The following GLDC variants were observed in gnomAD, a reference collection of about 807,000 sequenced individuals.
GLDC encodes glycine decarboxylase, also known as glycine dehydrogenase (decarboxylating), mitochondrial.
A neutral mutation model predicts 121.3 loss-of-function variants in GLDC; 104 were observed. The ratio of observed to expected loss-of-function variants is 0.86; its 90% CI spans 0.73 to 1.01. The LOEUF (loss-of-function observed/expected upper bound fraction) is 1.01. GLDC is among the 50% of genes least tolerant of loss of function. GLDC has a pLI of 0.00. For synonymous variants in GLDC, 546 were observed against 480.6 expected (o/e 1.14, Z -1.78); for missense variants, 1,429 against 1,306.6 (o/e 1.09, Z -1.44).
chr9:6,615,323 T>C (rs1302747413), intron 3 of GLDC, among the ~76,000 whole-genome samples: 1 of 151,966 alleles, frequency 6.6e-6, no homozygotes, highest in African/African-American at 2.4e-5. Flanking sequence ...CCAGGTGTGG[T>C]GGCTCACACC....
At chr9:6,587,381 C>T in intron 14 of GLDC, 98 bp from the exon 15 acceptor site, 1 of 925,912 alleles carries the variant, frequency 1.1e-6, no homozygotes, top group Non-Finnish European at 1.7e-6. Flanking sequence ...AAGCTATGTG[C>T]CAGGCACTGT....
At chr9:6,622,998 G>GTCA (rs1819146474) in intron 2 of GLDC, 1 of 171,618 alleles carries the variant, frequency 5.8e-6, no homozygotes, top group African/African-American at 3.0e-5. Flanking sequence ...GGAGGTGGGG[G>GTCA]GTCAGCCCCT....
chr9:6,550,744 C>A, intron 21 of GLDC, 59 bp downstream of exon 21: 1 of 1,065,196 alleles, frequency 9.4e-7, no homozygotes, highest in Non-Finnish European at 1.5e-6. Context: ...GCATCTAGGT[C>A]AAACTTAGTT....
intron 15 of GLDC, among the ~76,000 whole-genome samples, chr9:6,576,984 G>A (rs2129797379): frequency 6.6e-6 from 1 of 152,296 alleles, no homozygotes; most frequent in African/African-American, 2.4e-5. Flanking sequence ...TTTCCCTTGA[G>A]CTGATGAATT....
chr9:6,581,348 C>T (rs752733446), intron 15 of GLDC, among the ~76,000 whole-genome samples: 6 of 152,182 alleles, frequency 3.9e-5, no homozygotes, highest in Non-Finnish European at 7.3e-5. Context: ...CAACCTTTTC[C>T]AGCTTTCCTC....
intron 21 of GLDC, among the ~76,000 whole-genome samples, chr9:6,549,255 G>A (rs1817459140): frequency 6.6e-6 from 1 of 151,958 alleles, no homozygotes; most frequent in South Asian, 2.1e-4. Flanking sequence ...TTGACTGCCA[G>A]AGAAACAAAG....
intron 2 of GLDC, among the ~76,000 whole-genome samples, chr9:6,640,451 A>G (rs1463876780): frequency 6.6e-6 from 1 of 152,206 alleles, no homozygotes; most frequent in Non-Finnish European, 1.5e-5. Context: ...GAGAGTGCGC[A>G]ACCCAACTAG....
intron 22 of GLDC, among the ~76,000 whole-genome samples, chr9:6,536,455 C>T (rs1476671447): frequency 1.3e-5 from 2 of 152,124 alleles, no homozygotes; most frequent in South Asian, 4.1e-4. Flanking sequence ...GCAAATTTTA[C>T]AGAGCACCTA....
intron 23 of GLDC, among the ~76,000 whole-genome samples, chr9:6,535,023 T>A (rs1156309025): frequency 6.6e-6 from 1 of 152,224 alleles, no homozygotes; most frequent in Non-Finnish European, 1.5e-5. Flanking sequence ...CATTCTGTCA[T>A]ATTTGCTTCA....
intron 15 of GLDC, among the ~76,000 whole-genome samples, chr9:6,576,599 T>C (rs1199710373): frequency 6.6e-6 from 1 of 152,148 alleles, no homozygotes; most frequent in Non-Finnish European, 1.5e-5. Context: ...CCCGAGTAGC[T>C]GGGATTACAG....
intron 21 of GLDC, chr9:6,540,400 T>C: frequency 4.3e-6 from 2 of 470,520 alleles, no homozygotes; most frequent in Non-Finnish European, 7.8e-6. Flanking sequence ...AACCTGATTA[T>C]GGCTAATGGC....
chr9:6,641,373 C>A (rs1296262841), intron 2 of GLDC, among the ~76,000 whole-genome samples: 2 of 152,232 alleles, frequency 1.3e-5, no homozygotes, highest in African/African-American at 4.8e-5. Flanking sequence ...TGGCATATGG[C>A]AGGGTGATTC....
At chr9:6,643,371 C>T (rs568343401) in intron 2 of GLDC, among the ~76,000 whole-genome samples, 176 of 151,278 alleles carry the variant, frequency 1.2e-3, no homozygotes, top group Non-Finnish European at 1.9e-3. Context: ...CAGATAGGCT[C>T]CATACCTCAA....
In GLDC at chr9:6,533,081, C is replaced by G; in HGVS notation, c.2999G>C (p.Cys1000Ser). ...DDIYGDQHLV[C>S]TCPPMEVYES... ...ATAAACTTCCATGGGTGGGCAGGTA[C>G]AAACCAGGTGCTGATCTCCATATAT... The change falls in exon 25 of 25, where the codon TGT becomes TCT. Residue 1000 changes from cysteine (C) to serine (S), a missense_variant. Transcript: ENST00000321612. 1 of 1,611,834 alleles carries G rather than the reference C, an allele frequency of 6.2e-7. No homozygotes were observed. Among genetic ancestry groups the G allele is most frequent in the Non-Finnish European group, 8.5e-7 (1 of 1,177,902 alleles).
At chr9:6,627,188 C>G (rs1010316270) in intron 2 of GLDC, among the ~76,000 whole-genome samples, 1 of 147,416 alleles carries the variant, frequency 6.8e-6, no homozygotes. Flanking sequence ...CCCACCTACT[C>G]GGGAGGCTGA....
At chr9:6,565,777 C>T (rs141495924) in intron 15 of GLDC, 368 of 512,064 alleles carry the variant, frequency 7.2e-4, no homozygotes, top group African/African-American at 6.0e-3. Flanking sequence ...GGAACTACGA[C>T]GTGTGTGTCA....
chr9:6,586,584 C>T (rs1233908966), intron 15 of GLDC, among the ~76,000 whole-genome samples: 2 of 152,216 alleles, frequency 1.3e-5, no homozygotes, highest in African/African-American at 2.4e-5. Context: ...TGTTGGAATT[C>T]AGCATGTGTG....
chr9:6,560,799 T>C (rs989715048), intron 16 of GLDC, among the ~76,000 whole-genome samples: 16 of 152,200 alleles, frequency 1.1e-4, no homozygotes, highest in Admixed American at 9.8e-4. Context: ...CCTGTGGGTG[T>C]TTCCTTATAT....
chr9:6,644,387 G>A (rs1479989554), intron 2 of GLDC: 2 of 598,400 alleles, frequency 3.3e-6, no homozygotes, highest in African/African-American at 3.7e-5. Context: ...CTAGGATAAA[G>A]ACCAAGAACC....
Sources: gnomAD v4.1 joint callset for allele counts (sites outside exome capture counted in the v4.1 genomes callset) on GRCh38, gnomAD v4.1.1 for gene constraint, MANE v1.5 for transcripts, NCBI Gene and HGNC (gene_info 2026-07-23, HGNC 2026-07-21) for gene names.